Variants in EBF1 observed in about 807,000 individuals in gnomAD.
EBF1 encodes transcription factor COE1.
In EBF1, 10 loss-of-function variants were observed where a neutral mutation model predicts 68.4. That is an observed-to-expected ratio of 0.15 (90% confidence interval 0.09 to 0.25). The LOEUF (loss-of-function observed/expected upper bound fraction) is 0.25. Ranked by LOEUF, EBF1 falls within the 10% of genes least tolerant of loss-of-function variation. The pLI, the probability that EBF1 is intolerant of heterozygous loss-of-function variation, is 1.00. For synonymous variants in EBF1, 298 were observed against 299.8 expected (o/e 0.99, Z 0.06); for missense variants, 509 against 794.4 (o/e 0.64, Z 4.32).
At chr5:158,710,150 G>A (rs1561699110) in intron 14 of EBF1, among the ~76,000 whole-genome samples, 1 of 152,132 alleles carries the variant, frequency 6.6e-6, no homozygotes, top group Non-Finnish European at 1.5e-5. Context: ...TGGGCTTTGT[G>A]TTTATTGTTT....
chr5:159,066,755 T>G (rs1776876047), intron 6 of EBF1, among the ~76,000 whole-genome samples: 1 of 152,134 alleles, frequency 6.6e-6, no homozygotes, highest in Non-Finnish European at 1.5e-5. Context: ...GACTTGTAAC[T>G]GGAGAAATAG....
chr5:159,034,646 G>A (rs897695612), intron 6 of EBF1, among the ~76,000 whole-genome samples: 1 of 152,036 alleles, frequency 6.6e-6, no homozygotes, highest in Non-Finnish European at 1.5e-5. Context: ...CTGTACCATC[G>A]CTTTACACAC....
chr5:158,981,856 T>TA (rs1230436986), intron 6 of EBF1, among the ~76,000 whole-genome samples: 3 of 151,738 alleles, frequency 2.0e-5, no homozygotes, highest in African/African-American at 7.3e-5. Flanking sequence ...AGAATCTTAC[T>TA]AAAAATAAAA....
At chr5:158,946,567 C>T (rs915935432) in intron 6 of EBF1, among the ~76,000 whole-genome samples, 28 of 152,200 alleles carry the variant, frequency 1.8e-4, no homozygotes, top group African/African-American at 6.8e-4. Flanking sequence ...AGCTTCATCC[C>T]AGAGGGGCAC....
At chr5:158,946,879 C>T (rs180938104) in intron 6 of EBF1, among the ~76,000 whole-genome samples, 312 of 152,306 alleles carry the variant, frequency 2.0e-3, no homozygotes, top group African/African-American at 6.8e-3. Flanking sequence ...TCAGAGGTGC[C>T]CTGCCCAGAG....
At chr5:158,852,054 GGAGGA>G (rs1160720164) in intron 6 of EBF1, among the ~76,000 whole-genome samples, 1,215 of 71,650 alleles carry the variant, frequency 0.017, 35 homozygotes, top group Non-Finnish European at 0.026. Flanking sequence ...GGAGGAGAGG[GGAGGA>G]GAGGGGAGGA....
At chr5:158,858,389 C>A (rs1326500537) in intron 6 of EBF1, among the ~76,000 whole-genome samples, 1 of 152,146 alleles carries the variant, frequency 6.6e-6, no homozygotes, top group Non-Finnish European at 1.5e-5. Flanking sequence ...CACACACATG[C>A]ACAGACACAC....
At chr5:158,812,064 C>G (rs532011089) in intron 8 of EBF1, among the ~76,000 whole-genome samples, 1 of 152,282 alleles carries the variant, frequency 6.6e-6, no homozygotes, top group African/African-American at 2.4e-5. Flanking sequence ...TGTCTAATAT[C>G]GGCACATAAA....
chr5:159,074,485 TAC>T (rs985416082), intron 5 of EBF1, among the ~76,000 whole-genome samples: 1 of 152,188 alleles, frequency 6.6e-6, no homozygotes, highest in Non-Finnish European at 1.5e-5. Flanking sequence ...TTCTTGCTCT[TAC>T]ACACACACGT....
At chr5:158,930,263 T>TGG (rs201664369) in intron 6 of EBF1, among the ~76,000 whole-genome samples, 3 of 102,578 alleles carry the variant, frequency 2.9e-5, no homozygotes, top group South Asian at 4.4e-4. Flanking sequence ...TTTTTTTGTT[T>TGG]TTTTTTTTGT....
At chr5:159,001,223 G>A (rs967310354) in intron 6 of EBF1, among the ~76,000 whole-genome samples, 2 of 152,166 alleles carry the variant, frequency 1.3e-5, no homozygotes, top group Admixed American at 6.5e-5. Context: ...ATGTTAACAT[G>A]TGATGGGGTT....
chr5:159,055,821 C>T (rs1211682593), intron 6 of EBF1, among the ~76,000 whole-genome samples: 1 of 152,140 alleles, frequency 6.6e-6, no homozygotes, highest in African/African-American at 2.4e-5. Flanking sequence ...TAGGTGAGTG[C>T]CCTGGGAGGA....
chr5:158,768,255 A>T (rs569451191), intron 10 of EBF1, among the ~76,000 whole-genome samples: 2 of 152,282 alleles, frequency 1.3e-5, no homozygotes, highest in Admixed American at 1.3e-4. Flanking sequence ...ATGCTTTAAC[A>T]TGAAGATAAT....
intron 6 of EBF1, among the ~76,000 whole-genome samples, chr5:158,882,027 T>C (rs972263642): frequency 7.3e-4 from 111 of 152,338 alleles, no homozygotes; most frequent in African/African-American, 2.4e-3. Context: ...TGGGTAACAA[T>C]GAACATGCAA....
intron 6 of EBF1, among the ~76,000 whole-genome samples, chr5:158,944,207 A>C (rs1337782783): frequency 6.6e-6 from 1 of 152,014 alleles, no homozygotes; most frequent in Non-Finnish European, 1.5e-5. Context: ...TCCTAATGCC[A>C]TCCCTCCCCT....
At chr5:159,067,504 T>G (rs1463835802) in intron 6 of EBF1, among the ~76,000 whole-genome samples, 3 of 152,258 alleles carry the variant, frequency 2.0e-5, no homozygotes, top group Non-Finnish European at 4.4e-5. Context: ...GTAAAAGTAC[T>G]TTGCATTATG....
intron 6 of EBF1, among the ~76,000 whole-genome samples, chr5:158,894,602 C>T (rs1039045119): frequency 5.9e-5 from 9 of 152,166 alleles, no homozygotes; most frequent in African/African-American, 2.2e-4. Flanking sequence ...AACCAGATAT[C>T]ACCTCCTCGT....
intron 6 of EBF1, among the ~76,000 whole-genome samples, chr5:158,905,653 T>C (rs1190854480): frequency 6.6e-6 from 1 of 152,358 alleles, no homozygotes; most frequent in East Asian, 1.9e-4. Flanking sequence ...ATTCAGTTCC[T>C]TTGCACAGGA....
chr5:159,073,586 C>A, intron 5 of EBF1, 122 bp from the exon 6 acceptor site: 1 of 1,004,140 alleles, frequency 1.0e-6, no homozygotes, highest in South Asian at 1.4e-5. Flanking sequence ...CCATACCTGG[C>A]AATCAACGGA....
Sources: gnomAD v4.1 joint callset for allele counts (sites outside exome capture counted in the v4.1 genomes callset) on GRCh38, gnomAD v4.1.1 for gene constraint, MANE v1.5 for transcripts, NCBI Gene and HGNC (gene_info 2026-07-23, HGNC 2026-07-21) for gene names.